Variants in SPAG17 observed in about 807,000 individuals in gnomAD.
The protein encoded by SPAG17 is sperm associated antigen 17.
Under a neutral mutation model 273.6 loss-of-function variants are expected in SPAG17, and 169 were observed. That is an observed-to-expected ratio of 0.62 (90% CI 0.55 to 0.70). The LOEUF (loss-of-function observed/expected upper bound fraction) is 0.70, where lower values mean the gene tolerates loss of function less well. Ranked by LOEUF, SPAG17 falls within the 30% of genes least tolerant of loss-of-function variation. The pLI, the probability that SPAG17 is intolerant of heterozygous loss-of-function variation, is 0.00. For missense variants in SPAG17, 2,557 were observed against 2,627.8 expected (o/e 0.97, Z 0.59); for synonymous variants, 825 against 873.2 (o/e 0.94, Z 0.97).
chr1:118,139,686 G>C (rs1325340093), intron 3 of SPAG17, among the ~76,000 whole-genome samples: 2 of 151,992 alleles, frequency 1.3e-5, no homozygotes, highest in Admixed American at 6.5e-5. Context: ...TATGCTAAGT[G>C]AAATGAGTTG....
chr1:118,058,278 T>C (rs1052119260), intron 18 of SPAG17, among the ~76,000 whole-genome samples: 1 of 152,082 alleles, frequency 6.6e-6, no homozygotes, highest in Non-Finnish European at 1.5e-5. Flanking sequence ...TACAATCATG[T>C]CTCACAGGTG....
In SPAG17 at chr1:118,028,335, C is replaced by T; in HGVS notation, c.3669G>A (p.Gln1223=). 6.2e-7 allele frequency: 1 copy of T among 1,613,820 alleles called. No individual in the cohort carries two copies. Among genetic ancestry groups the T allele is most frequent in the Non-Finnish European group, 8.5e-7 (1 of 1,179,756 alleles). The stretch of plus-strand genomic sequence containing the variant: ...CACTGGGGCAAGACACATTTAGGCT[C>T]TGGAAGGTGGGAACATCCAAAGTCT... The part of the protein sequence containing the change: ...LQETLDVPTF[Q]SLNVSCPSGL... The change falls in exon 26 of 49, where the codon CAG becomes CAA. Residue 1223 remains glutamine (Q), a synonymous_variant. Coordinates refer to ENST00000336338, the MANE Select transcript of SPAG17 (RefSeq NM_206996.4).
At chr1:118,111,771 T>A (rs1656775962) in intron 4 of SPAG17, among the ~76,000 whole-genome samples, 1 of 152,198 alleles carries the variant, frequency 6.6e-6, no homozygotes, top group East Asian at 1.9e-4. Context: ...TGAATTGTTT[T>A]AAGAATAGTT....
intron 40 of SPAG17, among the ~76,000 whole-genome samples, chr1:117,986,411 T>C (rs945773591): frequency 2.6e-5 from 4 of 152,232 alleles, no homozygotes; most frequent in African/African-American, 9.6e-5. Context: ...TGAAACTTTC[T>C]CTTTCCTTGA....
chr1:118,108,603 A>C lies in SPAG17; in HGVS notation c.448-6677T>G, dbSNP rs570534537. Among the ~76,000 whole-genome samples, 3 of 152,302 alleles carry C rather than the reference A, an allele frequency of 2.0e-5. No homozygotes were observed. In the South Asian group the frequency reaches 6.2e-4, roughly 32 times the overall value. ...AGGGAACTCTTGTCAATTCAAGGCAAATTTTAGGAGGGGCATATCCAAAAA... is the reference window on the plus strand; with the variant it reads ...AGGGAACTCTTGTCAATTCAAGGCACATTTTAGGAGGGGCATATCCAAAAA... On this transcript the variant is annotated intron_variant, in intron 4 of 48. Coordinates refer to ENST00000336338, the MANE Select transcript of SPAG17 (RefSeq NM_206996.4).
chr1:118,081,447 T>G lies in SPAG17; in HGVS notation c.1958A>C (p.Lys653Thr). 6.2e-7 allele frequency: 1 copy of G among 1,613,928 alleles called. No individual in the cohort carries two copies. The highest frequency in any genetic ancestry group is 8.5e-7 in the Non-Finnish European group (1 of 1,179,984). ...AKQIRQQYVM[K>T]MNTQEAKQKA... ...CTGCTTGGCCTCTTGAGTATTCATT[T>G]TCATGACATATTGCTGCCTTATCTG... Residue 653 changes from lysine to threonine, a missense_variant, in exon 14 of 49, where the codon AAA (lysine) becomes ACA (threonine). Physicochemically the swap from Lys to Thr is moderately conservative, Grantham distance 78. Coordinates refer to ENST00000336338, the MANE Select transcript of SPAG17 (RefSeq NM_206996.4).
intron 1 of SPAG17, among the ~76,000 whole-genome samples, chr1:118,172,782 A>AT (rs903987723): frequency 1.7e-3 from 253 of 151,596 alleles, no homozygotes; most frequent in African/African-American, 5.5e-3. Context: ...TAATTGTGTG[A>AT]TTTTTTTTTC....
intron 5 of SPAG17, 79 bp from the exon 6 acceptor site, chr1:118,099,879 T>C (rs1655952459): frequency 8.2e-7 from 1 of 1,219,600 alleles, no homozygotes; most frequent in Non-Finnish European, 1.2e-6. Context: ...AATGGCTATA[T>C]ACATTATGCA....
chr1:118,097,027 G>C (rs1000133246), intron 7 of SPAG17, among the ~76,000 whole-genome samples: 4 of 152,164 alleles, frequency 2.6e-5, no homozygotes, highest in Admixed American at 6.5e-5. Context: ...CTGAGGTCAG[G>C]AGTTCGAGAC....
chr1:118,132,116 G>A (rs1658085795), intron 3 of SPAG17, among the ~76,000 whole-genome samples: 1 of 152,344 alleles, frequency 6.6e-6, no homozygotes, highest in South Asian at 2.1e-4. Context: ...CGAGGGTGCT[G>A]TGGTGGCCCC....
rs1213627186 is a variant in SPAG17, at chr1:118,067,616, GT to G, written c.2386-718del. Among the ~76,000 whole-genome samples the G allele has an allele frequency of 2.6e-5, 4 of 152,290 alleles. No individual in the cohort carries two copies. In the East Asian group the frequency reaches 5.8e-4, roughly 22 times the overall value. On this transcript the variant is annotated intron_variant, in intron 17 of 48. Transcript: ENST00000336338. ...CCAGAACTGTGAGAAAATTTCTGTTGTTTACGCTACTCAGGCATGGCATTTT... is the reference window on the plus strand; with the variant it reads ...CCAGAACTGTGAGAAAATTTCTGTTGTTACGCTACTCAGGCATGGCATTTT...
At chr1:118,007,007 G>A (rs1287259176) in intron 31 of SPAG17, among the ~76,000 whole-genome samples, 1 of 151,764 alleles carries the variant, frequency 6.6e-6, no homozygotes, top group African/African-American at 2.4e-5. Context: ...CTGTACATGA[G>A]ACCATTATCA....
rs1223077895 is a variant in SPAG17, at chr1:117,988,139, T to C, written c.5587A>G (p.Thr1863Ala). 2 of 1,608,152 alleles carry C rather than the reference T, an allele frequency of 1.2e-6. No homozygotes were observed. The highest frequency in any genetic ancestry group is 1.7e-6 in the Non-Finnish European group (2 of 1,178,406). Residue 1863 changes from threonine to alanine, a missense_variant, in exon 39 of 49, where the codon ACA (threonine) becomes GCA (alanine). Physicochemically the swap from Thr to Ala is moderately conservative, Grantham distance 58. Coordinates refer to ENST00000336338, the MANE Select transcript of SPAG17 (RefSeq NM_206996.4). ...LATPPKCPPD[T>A]FGKDFFEKTW... ...TTTTCAAAGAAATCTTTACCAAATG[T>C]GTCTGGTGGGCATTTTGGAGGCGTA... is the stretch of plus-strand genomic sequence containing the variant.
chr1:118,163,685 C>T (rs1660035384), intron 1 of SPAG17, among the ~76,000 whole-genome samples: 1 of 151,844 alleles, frequency 6.6e-6, no homozygotes, highest in Non-Finnish European at 1.5e-5. Flanking sequence ...GCCATCTTCA[C>T]CTAAGCCCAG....
Position 117,981,289 on chromosome 1 carries a change from A to T in SPAG17, c.5985T>A (p.Asn1995Lys). The T allele has an allele frequency of 1.3e-6, 2 of 1,569,562 alleles. No homozygotes were observed. The highest frequency in any genetic ancestry group is 2.2e-5 in the Admixed American group (1 of 45,186). ...CCATACCTTCAGGAGATTTTGTTAAATTTTCAGTTTGGTTCTGAGCAGTGA... is the reference window on the plus strand; with the variant it reads ...CCATACCTTCAGGAGATTTTGTTAATTTTTCAGTTTGGTTCTGAGCAGTGA... ...KDFTAQNQTE[N>K]LTKSPEEAES... The change falls in exon 43 of 49, where the codon AAT (asparagine) becomes AAA (lysine). Residue 1995 changes from asparagine (N) to lysine (K), a missense_variant. By Grantham distance (94) the Asn-to-Lys change is moderately conservative. Transcript: ENST00000336338.
Position 118,031,575 on chromosome 1 carries a change from T to C in SPAG17, c.3609+117A>G, listed in dbSNP as rs954211550. ...GTTGAGACTACAAGGGACGTTAATG[T>C]ATCTGCACAATAAAACGTATGCACT... On this transcript the variant is annotated intron_variant, in intron 25 of 48. Coordinates refer to ENST00000336338, the MANE Select transcript of SPAG17 (RefSeq NM_206996.4). The C allele has an allele frequency of 9.0e-6, 10 of 1,109,784 alleles. No homozygotes were observed. The African/African-American group carries it at 1.6e-4, about 17-fold the overall frequency. The allele number at this position is 1,109,784 out of a possible 1,614,324, so 68.7% of individuals were successfully genotyped here. A position where few individuals can be genotyped will look rare whatever the true frequency, so the allele number is the denominator to read the frequency against.
intron 12 of SPAG17, 141 bp downstream of exon 12, chr1:118,086,530 T>C (rs1655008502): frequency 1.3e-6 from 1 of 767,406 alleles, no homozygotes; most frequent in African/African-American, 1.8e-5. Flanking sequence ...TTCCAGGTCC[T>C]ACTTTGTATG....
At chr1:118,148,386 G>C (rs577730978) in intron 3 of SPAG17, among the ~76,000 whole-genome samples, 2 of 152,108 alleles carry the variant, frequency 1.3e-5, no homozygotes, top group Admixed American at 6.6e-5. Flanking sequence ...ACTCGGCAAG[G>C]GTACACGAAC....
chr1:118,105,517 G>A (rs974740655), intron 4 of SPAG17, among the ~76,000 whole-genome samples: 1 of 152,148 alleles, frequency 6.6e-6, no homozygotes, highest in Non-Finnish European at 1.5e-5. Context: ...GGAATCAAGA[G>A]TAAGCAGAGA....
Sources: gnomAD v4.1 joint callset for allele counts (sites outside exome capture counted in the v4.1 genomes callset) on GRCh38, gnomAD v4.1.1 for gene constraint, MANE v1.5 for transcripts, NCBI Gene and HGNC (gene_info 2026-07-23, HGNC 2026-07-21) for gene names.